The following TOM1 variants were observed in gnomAD, a reference collection of about 807,000 sequenced individuals.
The protein encoded by TOM1 is target of Myb protein 1.
TOM1 carries 38 observed loss-of-function variants against 61.3 expected under a neutral mutation model. The observed-to-expected ratio is 0.62, with a 90% CI of 0.48 to 0.81. The LOEUF is 0.81. TOM1 is among the 40% of genes least tolerant of loss of function. The pLI is 0.00. For missense variants in TOM1, 591 were observed against 659.6 expected, an observed-to-expected ratio of 0.90 and a Z score of 1.14; for synonymous variants, 270 against 268.8, an observed-to-expected ratio of 1.00 and a Z score of -0.04.
chr22:35,329,909 T>C (rs1327754559), intron 7 of TOM1, among the ~76,000 whole-genome samples: 1 of 152,240 alleles, frequency 6.6e-6, no homozygotes, highest in African/African-American at 2.4e-5. Context: ...AGCTGTTCCG[T>C]GGAACCTTGA....
chr22:35,340,028 G>C (rs994809930), intron 12 of TOM1, among the ~76,000 whole-genome samples: 1 of 152,266 alleles, frequency 6.6e-6, no homozygotes, highest in African/African-American at 2.4e-5. Context: ...AGCACATTTT[G>C]TGGGTGACCC....
At position 35,338,720 on chromosome 22, in the gene TOM1, T is replaced by C; in HGVS notation, c.1156T>C (p.Tyr386His). 6.3e-7 allele frequency: 1 copy of C among 1,586,052 alleles called. No homozygotes were observed. The highest frequency in any genetic ancestry group is 8.6e-7 in the Non-Finnish European group (1 of 1,167,084). Reference protein sequence around the residue: ...SLADQRKEVKYEAPQATDGLA... With the variant: ...SLADQRKEVKHEAPQATDGLA... ...TGGTGGTCTCTCTTTCAGGGTAAAA[T>C]ACGAAGCCCCCCAAGCAACAGACGG... Residue 386 changes from tyrosine (Y) to histidine (H), a missense_variant, in exon 12 of 15, where the codon TAC becomes CAC. By Grantham distance (83) the Tyr-to-His change is moderately conservative. Coordinates refer to ENST00000449058, the MANE Select transcript of TOM1 (RefSeq NM_005488.3).
In TOM1 at chr22:35,333,391, C is replaced by G. The variant is rs1929004259; in HGVS notation, c.934-13C>G. The stretch of plus-strand genomic sequence containing the variant: ...GACAGCGGGGATGATCAGGGCATCT[C>G]CCTTCCCACCAGGCCCCAAGTGAGG... On this transcript the variant is annotated splice_polypyrimidine_tract_variant and intron_variant, in intron 9 of 14. Transcript: ENST00000449058. The G allele has an allele frequency of 1.2e-6, 2 of 1,612,708 alleles. No individual in the cohort carries two copies. The highest frequency in any genetic ancestry group is 1.7e-6 in the Non-Finnish European group (2 of 1,179,106).
chr22:35,302,330 C>CTTTTTTTTTTTTTTTTTTTTTTTTTTT (rs138734), intron 1 of TOM1, among the ~76,000 whole-genome samples: 24 of 70,916 alleles, frequency 3.4e-4, no homozygotes, highest in Admixed American at 1.0e-3. Context: ...TTTTCTTTTT[C>CTTTTTTTTTTTTTTTTTTTTTTTTTTT]TTTTTTTTTT....
At chr22:35,322,139 T>C (rs1398877542) in intron 3 of TOM1, 102 bp downstream of exon 3, 2 of 1,077,378 alleles carry the variant, frequency 1.9e-6, no homozygotes, top group African/African-American at 1.6e-5. Flanking sequence ...AGCTCCTCAT[T>C]TGAGAGCTGG....
At chr22:35,332,818 C>G (rs1308239243) in intron 8 of TOM1, among the ~76,000 whole-genome samples, 163 bp from the exon 9 acceptor site, 1 of 152,162 alleles carries the variant, frequency 6.6e-6, no homozygotes, top group African/African-American at 2.4e-5. Context: ...CCAGGGACAG[C>G]AGGCATGAAC....
Position 35,323,133 on chromosome 22 carries a change from A to C in TOM1, c.322A>C (p.Asn108His). The C allele has an allele frequency of 6.2e-7, 1 of 1,614,134 alleles. No individual in the cohort carries two copies. Among genetic ancestry groups the C allele is most frequent in the Non-Finnish European group, 8.5e-7 (1 of 1,180,026 alleles). Reference sequence around the variant, plus strand: ...GGTGAGGACCATCCTGCCCAAGAACAACCCACCCACCATCGTGCATGACAA... The same window carrying C: ...GGTGAGGACCATCCTGCCCAAGAACCACCCACCCACCATCGTGCATGACAA... ...VLVRTILPKN[N>H]PPTIVHDKVL... Residue 108 changes from asparagine to histidine, a missense_variant, in exon 4 of 15, where the codon AAC (asparagine) becomes CAC (histidine). Coordinates refer to ENST00000449058, the MANE Select transcript of TOM1 (RefSeq NM_005488.3). This position sits in a 1 kb window ranked among gnomAD's most constrained non-coding sequence, Gnocchi z 4.2.
chr22:35,319,537 C>T (rs1158693173), intron 2 of TOM1, among the ~76,000 whole-genome samples: 1 of 152,218 alleles, frequency 6.6e-6, no homozygotes, highest in Non-Finnish European at 1.5e-5. Context: ...CAGTGCTTCC[C>T]TCTAGGGAGA....
Position 35,330,411 on chromosome 22 carries a change from A to G in TOM1, c.830A>G (p.Asn277Ser), listed in dbSNP as rs369952232. 137 of 1,613,668 alleles carry G rather than the reference A, an allele frequency of 8.5e-5. No homozygotes were observed. In the Middle Eastern group the frequency reaches 9.9e-4, roughly 12 times the overall value. The stretch of plus-strand genomic sequence containing the variant: ...CTGGAGCTCATCCCTCAGATCGCCA[A>G]TGAGCAGCTGACAGAGGAGCTGCTC... ...RVLELIPQIA[N>S]EQLTEELLIV... The change falls in exon 8 of 15, where the codon AAT (asparagine) becomes AGT (serine). Residue 277 changes from asparagine to serine, a missense_variant. Asn to Ser is a conservative substitution (Grantham distance 46). Coordinates refer to ENST00000449058, the MANE Select transcript of TOM1 (RefSeq NM_005488.3).
chr22:35,345,784 G>A lies in TOM1; in HGVS notation c.1284G>A (p.Val428=), dbSNP rs768045111. ...TCGAGCAGTGGCTGTCCACTGACGT[G>A]GTATGTTGGGGCCCACTCCTCACCC... ...EDIEQWLSTD[V]GNDAEEPKGV... is the part of the protein sequence containing the mutation. The change falls in exon 13 of 15, where the codon GTG becomes GTA. Residue 428 remains valine, a splice_region_variant and synonymous_variant. Coordinates refer to ENST00000449058, the MANE Select transcript of TOM1 (RefSeq NM_005488.3). 6.2e-7 allele frequency: 1 copy of A among 1,613,796 alleles called. No homozygotes were observed. The highest frequency in any genetic ancestry group is 8.5e-7 in the Non-Finnish European group (1 of 1,180,004).
In TOM1 at chr22:35,323,153, T is replaced by C; in HGVS notation, c.342T>C (p.His114=). 1 of 1,614,060 alleles carries C rather than the reference T, an allele frequency of 6.2e-7. No individual in the cohort carries two copies. Among genetic ancestry groups the C allele is most frequent in the African/African-American group, 1.3e-5 (1 of 75,062 alleles). Reference sequence around the variant, plus strand: ...AGAACAACCCACCCACCATCGTGCATGACAAAGTGCTCAACCTCATCCAGG... The same window carrying C: ...AGAACAACCCACCCACCATCGTGCACGACAAAGTGCTCAACCTCATCCAGG... The part of the protein sequence containing the change: ...LPKNNPPTIV[H]DKVLNLIQSW... The change falls in exon 4 of 15, where the codon CAT becomes CAC. Residue 114 remains histidine (H), a synonymous_variant. Transcript: ENST00000449058. The surrounding 1 kb of genome is among the most constrained non-coding windows in gnomAD (Gnocchi z 4.2).
chr22:35,330,704 T>G (rs1928768921), intron 8 of TOM1, among the ~76,000 whole-genome samples: 2 of 152,182 alleles, frequency 1.3e-5, no homozygotes, highest in South Asian at 4.1e-4. Flanking sequence ...TTAGCGCTGC[T>G]GCCTGTGCCC....
intron 1 of TOM1, among the ~76,000 whole-genome samples, chr22:35,314,654 A>G (rs1236711131): frequency 6.6e-6 from 1 of 151,950 alleles, no homozygotes; most frequent in Non-Finnish European, 1.5e-5. Flanking sequence ...AGAGGATCTG[A>G]TGGTGGGGAC....
intron 3 of TOM1, chr22:35,322,346 G>C: frequency 2.9e-6 from 1 of 340,934 alleles, no homozygotes; most frequent in Non-Finnish European, 5.4e-6. Flanking sequence ...GGCCTCCGCG[G>C]GGGCAGGGAG....
intron 1 of TOM1, among the ~76,000 whole-genome samples, chr22:35,310,235 C>T (rs1379468720): frequency 6.6e-6 from 1 of 151,830 alleles, no homozygotes; most frequent in African/African-American, 2.4e-5. Flanking sequence ...TGTTGGAGGA[C>T]AGATTAAGGA....
At chr22:35,317,597 T>TC (rs1179216230) in intron 1 of TOM1, among the ~76,000 whole-genome samples, 1 of 152,182 alleles carries the variant, frequency 6.6e-6, no homozygotes, top group Non-Finnish European at 1.5e-5. Flanking sequence ...CCACCTAGAT[T>TC]CCCCTCTGGT....
At chr22:35,314,712 C>T (rs189680079) in intron 1 of TOM1, among the ~76,000 whole-genome samples, 43 of 152,140 alleles carry the variant, frequency 2.8e-4, no homozygotes, top group African/African-American at 5.3e-4. Context: ...GGCCAACTCC[C>T]TGTGTGGTCA....
At chr22:35,308,301 T>C (rs2145614949) in intron 1 of TOM1, among the ~76,000 whole-genome samples, 1 of 150,838 alleles carries the variant, frequency 6.6e-6, no homozygotes, top group South Asian at 2.1e-4. Flanking sequence ...CTTTTTTTTT[T>C]GAGACGGAGT....
intron 1 of TOM1, among the ~76,000 whole-genome samples, chr22:35,313,009 C>T (rs1254628784): frequency 1.3e-5 from 2 of 152,082 alleles, no homozygotes; most frequent in Non-Finnish European, 2.9e-5. Context: ...TGGGAGCGAG[C>T]GGGCTCCAGG....
Sources: gnomAD v4.1 joint callset for allele counts (sites outside exome capture counted in the v4.1 genomes callset) on GRCh38, gnomAD v4.1.1 for gene constraint, Gnocchi (gnomAD v3.1) non-coding constraint, MANE v1.5 for transcripts, NCBI Gene and HGNC (gene_info 2026-07-23, HGNC 2026-07-21) for gene names.